The following MYLK variants were observed in gnomAD, a reference collection of about 807,000 sequenced individuals.
The protein encoded by MYLK is myosin light chain kinase.
MYLK carries 106 observed loss-of-function variants against 203.4 expected under a neutral mutation model. That is an observed-to-expected ratio of 0.52 (90% CI 0.45 to 0.61). The LOEUF is 0.61. MYLK is among the 20% of genes least tolerant of loss of function. The pLI is 0.00. For synonymous variants in MYLK, 867 were observed against 959.5 expected, an observed-to-expected ratio of 0.90 and a Z score of 1.78; for missense variants, 2,072 against 2,442.3, an observed-to-expected ratio of 0.85 and a Z score of 3.20.
intron 3 of MYLK, among the ~76,000 whole-genome samples, chr3:123,829,844 T>C (rs2066262671): frequency 6.6e-6 from 1 of 152,216 alleles, no homozygotes; most frequent in African/African-American, 2.4e-5. Flanking sequence ...AAGAAGGGCA[T>C]GAGTTCTAGA....
At chr3:123,711,362 A>G (rs2061685618) in intron 13 of MYLK, among the ~76,000 whole-genome samples, 1 of 152,224 alleles carries the variant, frequency 6.6e-6, no homozygotes, top group South Asian at 2.1e-4. Flanking sequence ...TTGTACATCA[A>G]TAATACCTCA....
intron 4 of MYLK, 74 bp downstream of exon 4, chr3:123,793,603 G>A (rs898216585): frequency 1.9e-6 from 3 of 1,563,764 alleles, no homozygotes; most frequent in Non-Finnish European, 2.6e-6. Flanking sequence ...GCCGGCCCAG[G>A]AAAAGGCTTG....
chr3:123,852,023 T>C (rs919564996), intron 2 of MYLK, among the ~76,000 whole-genome samples: 3 of 152,180 alleles, frequency 2.0e-5, no homozygotes, highest in Admixed American at 6.5e-5. Flanking sequence ...TTGTCTTTGG[T>C]TCTGTTAATA....
At chr3:123,650,434 T>C (rs150965674) in intron 24 of MYLK, among the ~76,000 whole-genome samples, 50 of 152,092 alleles carry the variant, frequency 3.3e-4, no homozygotes, top group Non-Finnish European at 5.1e-4. Flanking sequence ...TGTGTGTGTG[T>C]GAGAGAGAGT....
At chr3:123,766,055 G>T (rs139899005) in intron 4 of MYLK, among the ~76,000 whole-genome samples, 21 of 152,294 alleles carry the variant, frequency 1.4e-4, no homozygotes, top group Non-Finnish European at 2.8e-4. Context: ...ACTTAAAAAT[G>T]GTTAAAGTGG....
chr3:123,856,329 C>T (rs1443271029), intron 2 of MYLK, among the ~76,000 whole-genome samples: 4 of 152,174 alleles, frequency 2.6e-5, no homozygotes, highest in Admixed American at 1.3e-4. Context: ...CTGGGAACTG[C>T]CCAGAATTGG....
rs1433266432 is a variant in MYLK at position 123,626,894 on chromosome 3, T to C, written c.5162A>G (p.Lys1721Arg). 6.2e-7 allele frequency: 1 copy of C among 1,614,214 alleles called. No individual in the cohort carries two copies. Among genetic ancestry groups the C allele is most frequent in the Admixed American group, 1.7e-5 (1 of 60,034 alleles). ...CTTGGCCTCCATGTTCTTGGTATCT[T>C]TCATTAGCCATGGATGCTGAAGGCA... ...TQCLQHPWLM[K>R]DTKNMEAKKL... Residue 1721 changes from lysine (K) to arginine (R), a missense_variant, in exon 31 of 34, where the codon AAA (lysine) becomes AGA (arginine). This residue lies in a region of MYLK where 524 missense variants were observed against 782.4 expected (regional missense o/e 0.67). Transcript: ENST00000360304.
At chr3:123,723,178 G>A (rs937399395) in intron 12 of MYLK, among the ~76,000 whole-genome samples, 1 of 151,456 alleles carries the variant, frequency 6.6e-6, no homozygotes, top group Non-Finnish European at 1.5e-5. Context: ...CAGGGTCCTG[G>A]TTTGCACTTC....
In MYLK at chr3:123,733,097, C is replaced by T. The variant is rs190877071; in HGVS notation, c.1315G>A (p.Gly439Arg). The T allele has an allele frequency of 2.4e-5, 38 of 1,613,670 alleles. No individual in the cohort carries two copies. The highest frequency in any genetic ancestry group is 1.7e-4 in the Admixed American group (10 of 59,986). Reference protein sequence around the residue: ...QTVKFRCEVSGIPKPEVAWFL... With the variant: ...QTVKFRCEVSRIPKPEVAWFL... ...CAGGCCACTTCAGGCTTTGGAATCC[C>T]GGAAACTACAGGGCCAGGTAAAGAA... The change falls in exon 11 of 34, where the codon GGG becomes AGG. Residue 439 changes from glycine (G) to arginine (R), a missense_variant. Transcript: ENST00000360304.
intron 23 of MYLK, among the ~76,000 whole-genome samples, chr3:123,663,450 G>A (rs747955256): frequency 5.9e-5 from 9 of 152,150 alleles, no homozygotes; most frequent in East Asian, 5.8e-4. Context: ...GTGAAGAAGC[G>A]GAAGTGCAGT....
At chr3:123,793,113 G>A (rs1286750564) in intron 4 of MYLK, among the ~76,000 whole-genome samples, 2 of 152,274 alleles carry the variant, frequency 1.3e-5, no homozygotes, top group Admixed American at 1.3e-4. Context: ...TGAGTACAAG[G>A]TAGACAAGGA....
intron 26 of MYLK, among the ~76,000 whole-genome samples, chr3:123,647,720 CA>C (rs1369663852): frequency 6.8e-6 from 1 of 147,848 alleles, no homozygotes; most frequent in African/African-American, 2.6e-5. Context: ...TATCTTTAAA[CA>C]TTTTTTTTTT....
chr3:123,664,295 G>A (rs1271073212), intron 22 of MYLK, 37 bp from the exon 23 acceptor site: 1 of 1,614,020 alleles, frequency 6.2e-7, no homozygotes, highest in Non-Finnish European at 8.5e-7. Flanking sequence ...TGGAGCCTTG[G>A]GCCCCTGGGC....
chr3:123,737,582 G>A, intron 7 of MYLK, 39 bp from the exon 8 acceptor site: 1 of 1,612,926 alleles, frequency 6.2e-7, no homozygotes, highest in South Asian at 1.1e-5. Flanking sequence ...ATACAAATCT[G>A]CTCACCTTCT....
intron 24 of MYLK, among the ~76,000 whole-genome samples, chr3:123,655,220 A>ATCTCCTT: frequency 6.6e-6 from 1 of 151,618 alleles, no homozygotes; most frequent in East Asian, 1.9e-4. Context: ...CTGAGTCCTC[A>ATCTCCTT]TCTCCTTCAT....
intron 13 of MYLK, 31 bp downstream of exon 13, chr3:123,722,097 T>C (rs1315056488): frequency 6.4e-7 from 1 of 1,555,700 alleles, no homozygotes; most frequent in Non-Finnish European, 8.7e-7. Context: ...GCAGGAAAGG[T>C]GCTTCTACCC....
At chr3:123,807,840 G>T (rs1577035804) in intron 3 of MYLK, among the ~76,000 whole-genome samples, 1 of 152,320 alleles carries the variant, frequency 6.6e-6, no homozygotes, top group East Asian at 1.9e-4. Context: ...CCTCCCACTG[G>T]CTGGGCACAA....
chr3:123,689,627 C>T (rs975917541), intron 19 of MYLK: 1 of 152,248 alleles, frequency 6.6e-6, no homozygotes, highest in Non-Finnish European at 1.5e-5. Flanking sequence ...GAAAGACACC[C>T]TGCCCAACTG....
chr3:123,635,491 C>G (rs1164568142), intron 29 of MYLK, among the ~76,000 whole-genome samples: 6 of 152,160 alleles, frequency 3.9e-5, no homozygotes, highest in Admixed American at 3.9e-4. Context: ...CAGGATTGAT[C>G]CAGCCTGAGT....
Sources: allele counts gnomAD v4.1 joint callset (sites outside exome capture counted in the v4.1 genomes callset), GRCh38; gene constraint gnomAD v4.1.1; regional missense constraint gnomAD v4.1.1; transcripts MANE v1.5; gene names NCBI Gene and HGNC (gene_info 2026-07-23, HGNC 2026-07-21).